MATN2: variants seen among roughly 807,000 people sequenced by gnomAD.
The protein encoded by MATN2 is matrilin-2.
Under a neutral mutation model 103.2 loss-of-function variants are expected in MATN2, and 69 were observed. The observed-to-expected ratio is 0.67, with a 90% CI of 0.55 to 0.82. The LOEUF is 0.82. MATN2 is among the 40% of genes least tolerant of loss of function. MATN2 has a pLI of 0.00. For missense variants in MATN2, 1,023 were observed against 1,211.5 expected, an observed-to-expected ratio of 0.84 and a Z score of 2.31; for synonymous variants, 429 against 450.2, an observed-to-expected ratio of 0.95 and a Z score of 0.60.
At chr8:97,910,622 C>G (rs1056244620) in intron 2 of MATN2, among the ~76,000 whole-genome samples, 1 of 152,200 alleles carries the variant, frequency 6.6e-6, no homozygotes, top group Non-Finnish European at 1.5e-5. Flanking sequence ...GGAACTTTCA[C>G]GTAATATAAA....
intron 1 of MATN2, among the ~76,000 whole-genome samples, chr8:97,885,817 G>T (rs1011010615): frequency 4.6e-5 from 7 of 152,142 alleles, no homozygotes; most frequent in Non-Finnish European, 1.0e-4. Flanking sequence ...AGTTTAAATG[G>T]TTTAAAAAGG....
At position 97,982,060 on chromosome 8, in the gene MATN2, G is replaced by C. The variant is rs1271498370; in HGVS notation, c.1081+3052G>C. Among the ~76,000 whole-genome samples the C allele has an allele frequency of 6.6e-6, 1 of 152,214 alleles. No individual in the cohort carries two copies. The highest frequency in any genetic ancestry group is 2.4e-5 in the African/African-American group (1 of 41,458). ...GCGTGTGCAGGGAAGAGTGCTGGGA[G>C]ACTGGAGGGTTCGTGCAGGCAGCCT... On this transcript the variant is annotated intron_variant, in intron 6 of 18. Coordinates refer to ENST00000254898, the MANE Select transcript of MATN2 (RefSeq NM_002380.5). The surrounding 1 kb of genome is among the most constrained non-coding windows in gnomAD (Gnocchi z 4.3).
chr8:97,906,590 T>G (rs1189646590), intron 2 of MATN2, among the ~76,000 whole-genome samples: 1 of 152,188 alleles, frequency 6.6e-6, no homozygotes, highest in Non-Finnish European at 1.5e-5. Flanking sequence ...ACAGACTAGA[T>G]AGACATAATT....
intron 7 of MATN2, 63 bp from the exon 8 acceptor site, chr8:98,003,598 G>A (rs746527539): frequency 6.2e-7 from 1 of 1,602,452 alleles, no homozygotes; most frequent in Non-Finnish European, 8.5e-7. Flanking sequence ...AGCCCCGAGG[G>A]GCTGCCATCA....
At chr8:97,897,735 C>T (rs552202256) in intron 2 of MATN2, among the ~76,000 whole-genome samples, 7 of 152,264 alleles carry the variant, frequency 4.6e-5, no homozygotes, top group South Asian at 4.2e-4. Flanking sequence ...CTGTCATGGC[C>T]GCCCTCAGCA....
chr8:97,885,944 G>A (rs998047471), intron 1 of MATN2, among the ~76,000 whole-genome samples: 1 of 152,194 alleles, frequency 6.6e-6, no homozygotes, highest in Non-Finnish European at 1.5e-5. Flanking sequence ...AGCAGTGGGC[G>A]AGCTCAGCTT....
chr8:97,981,942 A>T (rs1586119972), intron 6 of MATN2, among the ~76,000 whole-genome samples: 1 of 127,954 alleles, frequency 7.8e-6, no homozygotes, highest in Admixed American at 9.9e-5. Context: ...GAGCCACGGG[A>T]GGGGCTGATC....
At chr8:97,896,409 A>G (rs187664136) in intron 2 of MATN2, among the ~76,000 whole-genome samples, 129 of 152,340 alleles carry the variant, frequency 8.5e-4, no homozygotes, top group Non-Finnish European at 1.7e-3. Context: ...TAGGAAAGCC[A>G]AGGAGGAACC....
chr8:98,027,350 T>G (rs1004883832), intron 13 of MATN2, 66 bp from the exon 14 acceptor site: 3 of 1,412,614 alleles, frequency 2.1e-6, no homozygotes, highest in Admixed American at 2.2e-5. Flanking sequence ...AAGCATCATT[T>G]TATTCTACTC....
intron 2 of MATN2, among the ~76,000 whole-genome samples, chr8:97,924,158 C>A (rs1809907557): frequency 6.6e-6 from 1 of 152,184 alleles, no homozygotes; most frequent in South Asian, 2.1e-4. Context: ...TACATGATAA[C>A]CCTTGTTAAA....
At chr8:97,986,647 A>T (rs1330667756) in intron 6 of MATN2, among the ~76,000 whole-genome samples, 2 of 152,230 alleles carry the variant, frequency 1.3e-5, no homozygotes, top group East Asian at 1.9e-4. Flanking sequence ...TCCATGGTGT[A>T]TATAGACACT....
chr8:98,000,596 C>CAAAAAAAAAAAAAAAAAAAAAAAAA (rs67682756), intron 7 of MATN2, among the ~76,000 whole-genome samples: 3 of 49,658 alleles, frequency 6.0e-5, no homozygotes, highest in Non-Finnish European at 1.6e-4. Context: ...GACTCCGTCT[C>CAAAAAAAAAAAAAAAAAAAAAAAAA]AAAAAAAAAA....
At chr8:98,022,583 G>A (rs1042042405) in intron 13 of MATN2, among the ~76,000 whole-genome samples, 1 of 152,134 alleles carries the variant, frequency 6.6e-6, no homozygotes, top group Non-Finnish European at 1.5e-5. Context: ...CAATGTGACT[G>A]TCATCTCACT....
intron 2 of MATN2, among the ~76,000 whole-genome samples, chr8:97,914,711 T>C (rs1419308373): frequency 6.6e-6 from 1 of 152,054 alleles, no homozygotes; most frequent in Non-Finnish European, 1.5e-5. Context: ...GGCCCTGTCT[T>C]CCCCAACTTG....
chr8:98,020,192 C>T (rs1813537872), intron 12 of MATN2, among the ~76,000 whole-genome samples: 3 of 152,170 alleles, frequency 2.0e-5, no homozygotes, highest in Admixed American at 2.0e-4. Flanking sequence ...GTCACCCAGG[C>T]TGGAGTGCAG....
At chr8:97,879,833 T>C (rs76201962) in intron 1 of MATN2, among the ~76,000 whole-genome samples, 2,820 of 152,220 alleles carry the variant, frequency 0.019, 29 homozygotes, top group East Asian at 0.042. Flanking sequence ...GGTCTAACAT[T>C]TAGAGCTGCC....
intron 2 of MATN2, among the ~76,000 whole-genome samples, chr8:97,890,568 C>A (rs563626970): frequency 6.8e-6 from 1 of 148,112 alleles, no homozygotes; most frequent in East Asian, 2.0e-4. Flanking sequence ...TTTTTTTTTT[C>A]TCATTTTGAT....
At chr8:97,992,745 CAA>C (rs58985201) in intron 6 of MATN2, among the ~76,000 whole-genome samples, 7 of 49,578 alleles carry the variant, frequency 1.4e-4, no homozygotes, top group East Asian at 1.3e-3. Flanking sequence ...GACTCCATCT[CAA>C]AAAAAAAAAA....
chr8:98,008,812 G>A lies in MATN2; in HGVS notation c.1573+1211G>A, dbSNP rs1174022687. Reference sequence around the variant, plus strand: ...TCATTTTAGATTATTCTGAGAATAAGAGGAGTCATTCTTCTGTCCACCTCG... The same window carrying A: ...TCATTTTAGATTATTCTGAGAATAAAAGGAGTCATTCTTCTGTCCACCTCG... On this transcript the variant is annotated intron_variant, in intron 10 of 18. Coordinates refer to ENST00000254898, the MANE Select transcript of MATN2 (RefSeq NM_002380.5). Among the ~76,000 whole-genome samples the A allele has an allele frequency of 2.6e-5, 4 of 152,324 alleles. No individual in the cohort carries two copies. The South Asian group carries it at 8.3e-4, about 32-fold the overall frequency.
Sources: allele counts gnomAD v4.1 joint callset (sites outside exome capture counted in the v4.1 genomes callset), GRCh38; gene constraint gnomAD v4.1.1; non-coding constraint Gnocchi (gnomAD v3.1); transcripts MANE v1.5; gene names NCBI Gene and HGNC (gene_info 2026-07-23, HGNC 2026-07-21).